The following PCDHA4 variants were observed in gnomAD, a reference collection of about 807,000 sequenced individuals.
PCDHA4 encodes the protein protocadherin alpha-4.
Under a neutral mutation model 61.4 loss-of-function variants are expected in PCDHA4, and 49 were observed. That is an observed-to-expected ratio of 0.80 (90% CI 0.63 to 1.01). The LOEUF is 1.01. Among genes scored for constraint, PCDHA4 ranks in the 50% least tolerant of loss-of-function variants. PCDHA4 has a pLI of 0.00. For missense variants in PCDHA4, 1,254 were observed against 1,235.8 expected, an observed-to-expected ratio of 1.01 and a Z score of -0.22; for synonymous variants, 590 against 550.3, an observed-to-expected ratio of 1.07 and a Z score of -1.01.
chr5:140,996,283 C>T (rs2097719869), intron 3 of PCDHA4, among the ~76,000 whole-genome samples: 1 of 152,172 alleles, frequency 6.6e-6, no homozygotes, highest in African/African-American at 2.4e-5. Context: ...TGCCAAATTT[C>T]AAGAAGCACA....
At chr5:140,827,272 C>T (rs868912069) in intron 1 of PCDHA4, among the ~76,000 whole-genome samples, 1 of 152,146 alleles carries the variant, frequency 6.6e-6, no homozygotes, top group African/African-American at 2.4e-5. Context: ...CATTTAGGAA[C>T]AGCTGAAGAA....
intron 3 of PCDHA4, among the ~76,000 whole-genome samples, chr5:141,007,525 G>C (rs782132903): frequency 1.3e-4 from 19 of 151,814 alleles, no homozygotes; most frequent in Non-Finnish European, 2.5e-4. Context: ...CTGATATCTC[G>C]CCACTGCACT....
intron 1 of PCDHA4, chr5:140,823,306 G>C: frequency 6.2e-7 from 1 of 1,612,298 alleles, no homozygotes; most frequent in South Asian, 1.1e-5. Context: ...TTCGGTGCAC[G>C]CGGAGAGCGG....
intron 1 of PCDHA4, among the ~76,000 whole-genome samples, chr5:140,913,895 C>A (rs2076500910): frequency 6.6e-6 from 1 of 152,066 alleles, no homozygotes; most frequent in South Asian, 2.1e-4. Flanking sequence ...TTCCAAAATT[C>A]CCCTTTTTTA....
At chr5:140,856,571 G>T in intron 1 of PCDHA4, 1 of 1,597,838 alleles carries the variant, frequency 6.3e-7, no homozygotes, top group African/African-American at 1.3e-5. Context: ...CAGTCCAAAT[G>T]AGTATTTTGT....
rs2150513075 is a variant in PCDHA4, at chr5:140,852,180, T to C, written c.2385+42608T>C. The C allele has an allele frequency of 3.0e-5, 23 of 771,014 alleles. 2 individuals carry two copies. The highest frequency in any genetic ancestry group is 3.4e-5 in the Non-Finnish European group (21 of 620,092). The allele number at this position is 771,014 out of a possible 1,614,324, so 47.8% of individuals were successfully genotyped here. On this transcript the variant is annotated intron_variant, in intron 1 of 3. Coordinates refer to ENST00000530339, the MANE Select transcript of PCDHA4 (RefSeq NM_018907.4). ...GAGAATAGAGCCACAAAAATAACTATGAAAATGCCAGTAACGTTTATTTAA... is the reference window on the plus strand; with the variant it reads ...GAGAATAGAGCCACAAAAATAACTACGAAAATGCCAGTAACGTTTATTTAA...
At chr5:140,867,550 C>G (rs2153229616) in intron 1 of PCDHA4, 1 of 152,198 alleles carries the variant, frequency 6.6e-6, no homozygotes, top group South Asian at 2.1e-4. Flanking sequence ...TTAGCATACA[C>G]ATATGATAAC....
chr5:140,969,168 C>T (rs1554231530), intron 1 of PCDHA4: 2 of 1,614,088 alleles, frequency 1.2e-6, no homozygotes, highest in Non-Finnish European at 1.7e-6. Flanking sequence ...ACAGCAGGCT[C>T]AGGGAGTGAC....
Position 140,857,792 on chromosome 5 carries a change from C to T in PCDHA4, c.2385+48220C>T, listed in dbSNP as rs368399538. 21 of 1,597,428 alleles carry T rather than the reference C, an allele frequency of 1.3e-5. 1 individual carries two copies. In the African/African-American group the frequency reaches 2.6e-4, roughly 19 times the overall value. On this transcript the variant is annotated intron_variant, in intron 1 of 3. Coordinates refer to ENST00000530339, the MANE Select transcript of PCDHA4 (RefSeq NM_018907.4). ...CGGTGCAGTCAGTGAGCTGGTGCTGCGGTCGGTGGTTGCGGGTCACGTGGT... is the reference window on the plus strand; with the variant it reads ...CGGTGCAGTCAGTGAGCTGGTGCTGTGGTCGGTGGTTGCGGGTCACGTGGT...
intron 1 of PCDHA4, chr5:140,881,460 G>T: frequency 1.6e-6 from 1 of 637,280 alleles, no homozygotes; most frequent in Non-Finnish European, 2.0e-6. Flanking sequence ...AAACCTTAGA[G>T]CATTGTTGTG....
chr5:140,874,039 GTGA>G (rs1372721490), intron 1 of PCDHA4, among the ~76,000 whole-genome samples: 1 of 152,152 alleles, frequency 6.6e-6, no homozygotes, highest in African/African-American at 2.4e-5. Context: ...AAGAAACTTG[GTGA>G]TGATATTAGA....
chr5:140,944,464 G>T (rs2093661298), intron 1 of PCDHA4, among the ~76,000 whole-genome samples: 1 of 152,158 alleles, frequency 6.6e-6, no homozygotes, highest in African/African-American at 2.4e-5. Context: ...TGGGATTACA[G>T]GTATGAGGCA....
At chr5:140,994,248 G>A (rs188394827) in intron 3 of PCDHA4, among the ~76,000 whole-genome samples, 1 of 152,238 alleles carries the variant, frequency 6.6e-6, no homozygotes, top group East Asian at 1.9e-4. Flanking sequence ...TCAAACCCTA[G>A]GTAAATAAGG....
chr5:140,918,625 C>T (rs1365715302), intron 1 of PCDHA4, among the ~76,000 whole-genome samples: 2 of 152,086 alleles, frequency 1.3e-5, no homozygotes, highest in Non-Finnish European at 2.9e-5. Context: ...TTTGTGTTCC[C>T]CAAATTCATA....
chr5:140,862,602 C>T (rs2047444114), intron 1 of PCDHA4: 2 of 514,424 alleles, frequency 3.9e-6, no homozygotes, highest in South Asian at 3.0e-5. Flanking sequence ...ACATGGTGTT[C>T]GTGAAAGGTA....
intron 1 of PCDHA4, chr5:140,869,089 C>G: frequency 6.3e-7 from 1 of 1,588,998 alleles, no homozygotes; most frequent in Non-Finnish European, 8.6e-7. Context: ...ATTTTGGAAG[C>G]CAATTTCGTA....
chr5:140,828,238 G>T (rs782682272), intron 1 of PCDHA4: 6 of 1,613,818 alleles, frequency 3.7e-6, no homozygotes, highest in African/African-American at 2.7e-5. Flanking sequence ...GCCGGATCGC[G>T]CAGGACCTGG....
rs892987704 is a variant in PCDHA4, at chr5:140,988,405, C to A, written c.2533+5842C>A. Among the ~76,000 whole-genome samples, 31 of 152,248 alleles carry A rather than the reference C, an allele frequency of 2.0e-4. No individual in the cohort carries two copies. In the East Asian group the frequency reaches 5.6e-3, roughly 28 times the overall value. The stretch of plus-strand genomic sequence containing the variant: ...ATTGTGTTTGCCAGAGTTCTCTTCG[C>A]AGCTTATGTAAAGAATTTGTTTGTT... On this transcript the variant is annotated intron_variant, in intron 3 of 3. Transcript: ENST00000530339.
intron 1 of PCDHA4, among the ~76,000 whole-genome samples, chr5:140,911,201 C>G: frequency 6.6e-6 from 1 of 152,110 alleles, no homozygotes; most frequent in Non-Finnish European, 1.5e-5. Context: ...GACATGTTGC[C>G]ACTACTGGGG....
Sources: allele counts gnomAD v4.1 joint callset (sites outside exome capture counted in the v4.1 genomes callset), GRCh38; gene constraint gnomAD v4.1.1; transcripts MANE v1.5; gene names NCBI Gene and HGNC (gene_info 2026-07-23, HGNC 2026-07-21).